SATB2: variants seen among roughly 807,000 people sequenced by gnomAD.
SATB2 encodes SATB homeobox 2.
Under a neutral mutation model 73.4 loss-of-function variants are expected in SATB2, and 1 was observed. The observed-to-expected ratio is 0.01, with a 90% confidence interval of 0.00 to 0.06. The LOEUF (loss-of-function observed/expected upper bound fraction) is 0.06, where lower values mean the gene tolerates loss of function less well. SATB2 is among the 10% of genes least tolerant of loss of function. The probability of loss-of-function intolerance (pLI) is 1.00; values close to 1 mark genes in which losing one functional copy is unlikely to be tolerated. For synonymous variants in SATB2, 397 were observed against 367.0 expected (o/e 1.08, Z -0.93); for missense variants, 459 against 945.8 (o/e 0.49, Z 6.75).
chr2:199,347,723 T>C (rs1219027983), intron 7 of SATB2: 2 of 152,200 alleles, frequency 1.3e-5, no homozygotes, highest in African/African-American at 2.4e-5. Context: ...TTGCTTACAC[T>C]CTCCAACATT....
At chr2:199,373,595 G>A (rs1559011758) in intron 5 of SATB2, among the ~76,000 whole-genome samples, 2 of 152,118 alleles carry the variant, frequency 1.3e-5, no homozygotes, top group African/African-American at 2.4e-5. Context: ...CTGTGATTGG[G>A]GATATTGTCT....
At chr2:199,275,100 A>T (rs1022421534) in intron 10 of SATB2, among the ~76,000 whole-genome samples, 6 of 152,220 alleles carry the variant, frequency 3.9e-5, no homozygotes, top group Non-Finnish European at 5.9e-5. Context: ...CATTTTCTAA[A>T]TTATGCTTGC....
rs767544833 is a variant in SATB2, at chr2:199,328,848, T to C, written c.1236A>G (p.Leu412=). The part of the protein sequence containing the change: ...EDPRTASQSL[L]VNLRAMQNFL... The stretch of plus-strand genomic sequence containing the variant: ...AATTCTGCATGGCCCTCAGGTTTAC[T>C]AGAAGAGACTGAGAGGCTGTCCGAG... The change falls in exon 8 of 11, where the codon CTA becomes CTG. Residue 412 remains leucine (L), a synonymous_variant. Transcript: ENST00000417098. The C allele has an allele frequency of 2.7e-5, 44 of 1,613,872 alleles. No individual in the cohort carries two copies. Among genetic ancestry groups the C allele is most frequent in the Middle Eastern group, 3.3e-4 (2 of 6,082 alleles).
intron 7 of SATB2, among the ~76,000 whole-genome samples, chr2:199,346,598 T>G (rs1688658222): frequency 6.6e-6 from 1 of 152,166 alleles, no homozygotes; most frequent in Admixed American, 6.5e-5. Flanking sequence ...TTAACTGACT[T>G]AACAAAAACG....
intron 3 of SATB2, among the ~76,000 whole-genome samples, chr2:199,423,260 A>G (rs1559045736): frequency 6.6e-6 from 1 of 152,128 alleles, no homozygotes; most frequent in Non-Finnish European, 1.5e-5. Context: ...GGGCAGAGAC[A>G]TTATGTATTT....
At chr2:199,307,494 G>A (rs1687469261) in intron 10 of SATB2, among the ~76,000 whole-genome samples, 1 of 152,126 alleles carries the variant, frequency 6.6e-6, no homozygotes, top group Admixed American at 6.6e-5. Flanking sequence ...GTGAGTATGT[G>A]CTGTGTACCC....
At chr2:199,436,009 C>A (rs1691641365) in intron 2 of SATB2, among the ~76,000 whole-genome samples, 1 of 152,170 alleles carries the variant, frequency 6.6e-6, no homozygotes, top group Non-Finnish European at 1.5e-5. Context: ...CCACTAATAC[C>A]TGTGTGTACA....
intron 10 of SATB2, among the ~76,000 whole-genome samples, chr2:199,274,559 A>G (rs1692254622): frequency 6.6e-6 from 1 of 152,242 alleles, no homozygotes; most frequent in South Asian, 2.1e-4. Flanking sequence ...AATAATAATA[A>G]AAAGGATAAT....
intron 3 of SATB2, chr2:199,396,411 AT>A (rs1165223050): frequency 6.6e-6 from 1 of 152,214 alleles, no homozygotes; most frequent in African/African-American, 2.4e-5. Flanking sequence ...TTATATAAAC[AT>A]TCATTCTGGA....
chr2:199,468,946 G>C (rs574684946), upstream of SATB2: 4 of 152,500 alleles, frequency 2.6e-5, no homozygotes, highest in South Asian at 2.1e-4. Flanking sequence ...TGGTTGCAGG[G>C]GGAGATGACC....
intron 2 of SATB2, among the ~76,000 whole-genome samples, chr2:199,444,046 T>A (rs956998494): frequency 1.3e-5 from 2 of 152,206 alleles, no homozygotes; most frequent in African/African-American, 4.8e-5. Context: ...AGTGCCTGTG[T>A]AATTTATAGA....
chr2:199,447,467 T>C (rs1691998624), intron 2 of SATB2, among the ~76,000 whole-genome samples: 1 of 152,086 alleles, frequency 6.6e-6, no homozygotes, highest in African/African-American at 2.4e-5. Context: ...GTTTGGACTT[T>C]GGGAAGAGGA....
At chr2:199,295,818 A>G (rs2105749181) in intron 10 of SATB2, among the ~76,000 whole-genome samples, 1 of 152,344 alleles carries the variant, frequency 6.6e-6, no homozygotes, top group South Asian at 2.1e-4. Context: ...ACTTGTGAGG[A>G]AATTGAACTT....
chr2:199,411,330 G>C (rs1005640874), intron 3 of SATB2, among the ~76,000 whole-genome samples: 2 of 152,076 alleles, frequency 1.3e-5, no homozygotes, highest in African/African-American at 2.4e-5. Context: ...ATCTATGCAT[G>C]ACGATCCCCC....
chr2:199,460,073 G>A (rs1047758929), upstream of SATB2, among the ~76,000 whole-genome samples: 2 of 152,154 alleles, frequency 1.3e-5, no homozygotes, highest in African/African-American at 4.8e-5. This position sits in a 1 kb window ranked among gnomAD's most constrained non-coding sequence, Gnocchi z 4.0. Context: ...AAGCAGGATA[G>A]CAATTCTTAG....
chr2:199,444,770 G>C (rs13392032), intron 2 of SATB2, among the ~76,000 whole-genome samples: 24,646 of 152,088 alleles, frequency 0.16, 2,274 homozygotes, highest in South Asian at 0.36. Context: ...ATTTTATCTT[G>C]GCACCATCAC....
chr2:199,373,069 G>A (rs1689496161), intron 5 of SATB2, among the ~76,000 whole-genome samples: 1 of 152,102 alleles, frequency 6.6e-6, no homozygotes. Context: ...TAGCTAAGCT[G>A]AAAACACATA....
rs1333675241 is a variant in SATB2 at position 199,306,055 on chromosome 2, T to C, written c.1740+2705A>G. ...TTTTTAAGATTTCTAAAACAGGTAA[T>C]TAACTGTATCTTGCTAAAAATTTAG... On this transcript the variant is annotated intron_variant, in intron 10 of 10. Transcript: ENST00000417098. 2.6e-5 allele frequency among the ~76,000 whole-genome samples: 4 copies of C among 152,142 alleles called. No individual in the cohort carries two copies. In the East Asian group the frequency reaches 7.7e-4, roughly 29 times the overall value.
chr2:199,298,628 G>A (rs1160485556), intron 10 of SATB2, among the ~76,000 whole-genome samples: 3 of 152,050 alleles, frequency 2.0e-5, no homozygotes, highest in Non-Finnish European at 1.5e-5. Context: ...TCTCAGAAAC[G>A]CAACTGGGAT....
Sources: allele counts gnomAD v4.1 joint callset (sites outside exome capture counted in the v4.1 genomes callset), GRCh38; gene constraint gnomAD v4.1.1; non-coding constraint Gnocchi (gnomAD v3.1); transcripts MANE v1.5; gene names NCBI Gene and HGNC (gene_info 2026-07-23, HGNC 2026-07-21).